The following GRK5 variants were observed in gnomAD, a reference collection of about 807,000 sequenced individuals.
The protein encoded by GRK5 is G protein-coupled receptor kinase 5, also known as g protein-coupled receptor kinase GRK5.
GRK5 carries 40 observed loss-of-function variants against 78.4 expected under a neutral mutation model. The ratio of observed to expected loss-of-function variants is 0.51; its 90% CI spans 0.40 to 0.66. GRK5 has a LOEUF of 0.66. Among genes scored for constraint, GRK5 ranks in the 30% least tolerant of loss-of-function variants. The pLI is 0.00. For missense variants in GRK5, 598 were observed against 759.9 expected (o/e 0.79, Z 2.50); for synonymous variants, 289 against 296.8 (o/e 0.97, Z 0.27).
intron 2 of GRK5, among the ~76,000 whole-genome samples, chr10:119,351,058 C>CATCTG (rs1851178837): frequency 1.3e-5 from 2 of 152,078 alleles, no homozygotes; most frequent in African/African-American, 2.4e-5. Flanking sequence ...ATGGAAGAGA[C>CATCTG]ATCTGCATTT....
intron 2 of GRK5, among the ~76,000 whole-genome samples, chr10:119,365,298 T>C (rs1308549748): frequency 6.6e-6 from 1 of 152,244 alleles, no homozygotes; most frequent in Non-Finnish European, 1.5e-5. Flanking sequence ...CTCTTTTACT[T>C]AGATAAAAAT....
In GRK5 at chr10:119,431,451, G is replaced by A. The variant is rs1414718692; in HGVS notation, c.662G>A (p.Arg221Lys). The A allele has an allele frequency of 6.2e-7, 1 of 1,614,038 alleles. No homozygotes were observed. Among genetic ancestry groups the A allele is most frequent in the Non-Finnish European group, 8.5e-7 (1 of 1,179,956 alleles). ...MYACKRLEKK[R>K]IKKRKGESMA... The stretch of plus-strand genomic sequence containing the variant: ...GCCTGCAAGCGCTTGGAGAAGAAGA[G>A]GATCAAAAAGAGGAAAGGGGAGTCC... The change falls in exon 8 of 16, where the codon AGG becomes AAG. Residue 221 changes from arginine (R) to lysine (K), a missense_variant. Coordinates refer to ENST00000392870, the MANE Select transcript of GRK5 (RefSeq NM_005308.3). This position sits in a 1 kb window ranked among gnomAD's most constrained non-coding sequence, Gnocchi z 4.8.
chr10:119,447,277 C>T lies in GRK5; in HGVS notation c.1267-846C>T, dbSNP rs191003422. 4.6e-5 allele frequency among the ~76,000 whole-genome samples: 7 copies of T among 152,314 alleles called. No individual in the cohort carries two copies. The East Asian group carries it at 7.7e-4, about 17-fold the overall frequency. On this transcript the variant is annotated intron_variant, in intron 12 of 15. Coordinates refer to ENST00000392870, the MANE Select transcript of GRK5 (RefSeq NM_005308.3). ...TTCTGATGAAGACACTCTCCTACCT[C>T]AACCATCCCTGGCTCCTTCTACCTC...
At chr10:119,287,239 GAGGGAGGA>G (rs1233707830) in intron 1 of GRK5, among the ~76,000 whole-genome samples, 1 of 142,328 alleles carries the variant, frequency 7.0e-6, no homozygotes, top group African/African-American at 2.6e-5. Context: ...GGGAGAGAGG[GAGGGAGGA>G]AGGGAGAGAG....
chr10:119,253,117 C>A lies in GRK5; in HGVS notation c.52+45148C>A, dbSNP rs1423668575. Among the ~76,000 whole-genome samples the A allele has an allele frequency of 1.3e-5, 2 of 152,142 alleles. No homozygotes were observed. Among genetic ancestry groups the A allele is most frequent in the African/African-American group, 4.8e-5 (2 of 41,414 alleles). ...GTTTCAACCCTGCTGTACTAATCTG[C>A]TGATGAGGGAGAGTTGGTGGCTCAG... On this transcript the variant is annotated intron_variant, in intron 1 of 15. Transcript: ENST00000392870. The surrounding 1 kb of genome is among the most constrained non-coding windows in gnomAD (Gnocchi z 5.7).
intron 4 of GRK5, among the ~76,000 whole-genome samples, chr10:119,400,450 C>T (rs1242780926): frequency 1.3e-5 from 2 of 152,080 alleles, no homozygotes; most frequent in Admixed American, 6.6e-5. Flanking sequence ...GGGAAGTGCT[C>T]CTAGCATCTG....
At chr10:119,269,530 G>C (rs1173655088) in intron 1 of GRK5, among the ~76,000 whole-genome samples, 1 of 152,002 alleles carries the variant, frequency 6.6e-6, no homozygotes, top group Non-Finnish European at 1.5e-5. Flanking sequence ...GTTAGGTTTA[G>C]GGTCAAGACT....
At chr10:119,320,372 T>C (rs1294222175) in intron 1 of GRK5, among the ~76,000 whole-genome samples, 1 of 152,176 alleles carries the variant, frequency 6.6e-6, no homozygotes, top group Non-Finnish European at 1.5e-5. Context: ...CAGGTGGTGA[T>C]GAGAGCTGTG....
chr10:119,364,122 G>A (rs370931268), intron 2 of GRK5, among the ~76,000 whole-genome samples: 48 of 152,152 alleles, frequency 3.2e-4, no homozygotes, highest in South Asian at 2.5e-3. Flanking sequence ...AGTGTAGGGC[G>A]CAAAGCAGGG....
intron 1 of GRK5, among the ~76,000 whole-genome samples, chr10:119,209,772 G>C (rs1195964113): frequency 6.6e-6 from 1 of 152,082 alleles, no homozygotes; most frequent in African/African-American, 2.4e-5. Flanking sequence ...TGGTACTGGA[G>C]CCTTGCAAGT....
intron 1 of GRK5, among the ~76,000 whole-genome samples, chr10:119,239,679 CT>C (rs1031759210): frequency 1.3e-5 from 2 of 152,104 alleles, no homozygotes; most frequent in African/African-American, 4.8e-5. Flanking sequence ...TATCCCTCCC[CT>C]AGCCCCCCAC....
intron 1 of GRK5, among the ~76,000 whole-genome samples, chr10:119,245,266 G>C (rs1849089346): frequency 1.3e-5 from 2 of 151,806 alleles, no homozygotes; most frequent in African/African-American, 4.8e-5. Flanking sequence ...GACAGAGCAA[G>C]ACTCTTTCTT....
At chr10:119,372,167 G>A (rs909874479) in intron 2 of GRK5, among the ~76,000 whole-genome samples, 1 of 152,226 alleles carries the variant, frequency 6.6e-6, no homozygotes, top group Non-Finnish European at 1.5e-5. Flanking sequence ...GATGGAGGTA[G>A]GATTCAGACC....
chr10:119,285,809 G>T (rs1273564207), intron 1 of GRK5, among the ~76,000 whole-genome samples: 2 of 152,156 alleles, frequency 1.3e-5, no homozygotes, highest in Admixed American at 1.3e-4. Flanking sequence ...GAGTGCTGGG[G>T]CTGGGACCTG....
rs538109953 is a variant in GRK5 at position 119,300,963 on chromosome 10, G to C, written c.53-25553G>C. ...AAAAACAAAAAACAAAAAAAGCTAG[G>C]CATGATGGCGGGCGCCTGTAATCCC... On this transcript the variant is annotated intron_variant, in intron 1 of 15. Coordinates refer to ENST00000392870, the MANE Select transcript of GRK5 (RefSeq NM_005308.3). Among the ~76,000 whole-genome samples the C allele has an allele frequency of 3.3e-5, 5 of 152,212 alleles. No homozygotes were observed. In the East Asian group the frequency reaches 9.7e-4, roughly 29 times the overall value.
intron 2 of GRK5, among the ~76,000 whole-genome samples, chr10:119,328,267 T>C (rs949518490): frequency 2.0e-5 from 3 of 152,180 alleles, no homozygotes; most frequent in African/African-American, 7.2e-5. Flanking sequence ...GCTGTGTTCC[T>C]GGGGCTGTAG....
intron 1 of GRK5, among the ~76,000 whole-genome samples, chr10:119,227,714 C>T (rs1252234719): frequency 6.6e-6 from 1 of 152,146 alleles, no homozygotes; most frequent in Non-Finnish European, 1.5e-5. Context: ...ATCCACTACA[C>T]ATGAAAAGAT....
At chr10:119,425,817 G>A (rs1003575266) in intron 6 of GRK5, among the ~76,000 whole-genome samples, 1 of 152,262 alleles carries the variant, frequency 6.6e-6, no homozygotes, top group Non-Finnish European at 1.5e-5. Flanking sequence ...CCCATGCGTG[G>A]CTGTGACTTG....
chr10:119,313,980 C>T (rs1419614676), intron 1 of GRK5, among the ~76,000 whole-genome samples: 1 of 152,208 alleles, frequency 6.6e-6, no homozygotes, highest in Non-Finnish European at 1.5e-5. Flanking sequence ...TGCCCCGGGC[C>T]GCCCCACGCG....
Sources: allele counts gnomAD v4.1 joint callset (sites outside exome capture counted in the v4.1 genomes callset), GRCh38; gene constraint gnomAD v4.1.1; non-coding constraint Gnocchi (gnomAD v3.1); transcripts MANE v1.5; gene names NCBI Gene and HGNC (gene_info 2026-07-23, HGNC 2026-07-21).